The following PRSS36 variants were observed in gnomAD, a reference collection of about 807,000 sequenced individuals.
PRSS36 encodes serine protease 36.
Under a neutral mutation model 94.3 loss-of-function variants are expected in PRSS36, and 90 were observed. The observed-to-expected ratio is 0.95, with a 90% CI of 0.80 to 1.14. The LOEUF (loss-of-function observed/expected upper bound fraction) is 1.14, where lower values mean the gene tolerates loss of function less well. Ranked by LOEUF, PRSS36 falls within the 50% of genes most tolerant of loss-of-function variation. The pLI is 0.00. For missense variants in PRSS36, 1,158 were observed against 1,135.0 expected (o/e 1.02, Z -0.29); for synonymous variants, 500 against 489.6 (o/e 1.02, Z -0.28).
At chr16:31,148,835 T>A in intron 4 of PRSS36, 160 bp from the exon 5 acceptor site, 2 of 1,031,830 alleles carry the variant, frequency 1.9e-6, no homozygotes, top group Non-Finnish European at 2.8e-6. Flanking sequence ...TTGGAGCTGG[T>A]GGTGGGGGGG....
chr16:31,143,936 CT>C, intron 6 of PRSS36, 99 bp from the exon 7 acceptor site: 5 of 1,457,590 alleles, frequency 3.4e-6, no homozygotes, highest in South Asian at 1.2e-5. Flanking sequence ...CTTCTCCCTT[CT>C]CCTAGAAACC....
chr16:31,141,492 C>T lies in PRSS36; in HGVS notation c.1878G>A (p.Leu626=). The change falls in exon 12 of 15, where the codon CTG becomes CTA. Residue 626 remains leucine (L), a synonymous_variant. Transcript: ENST00000268281. ...TGILLAPGWV[L]AATHCVLRPG... ...ACCTGAGGACACAGTGAGTGGCTGC[C>T]AGGACCCAGCCTGGGGCCAGGAGGA... 1.9e-6 allele frequency: 3 copies of T among 1,612,544 alleles called. No individual in the cohort carries two copies. Among genetic ancestry groups the T allele is most frequent in the Non-Finnish European group, 2.5e-6 (3 of 1,179,746 alleles).
In PRSS36 at chr16:31,142,962, G is replaced by A. The variant is rs1329996295; in HGVS notation, c.1132C>T (p.Leu378Phe). ...PNSSDSPPRD[L>F]DAWRVLLPSR... ...GGCAGCAGCACGCGCCAGGCGTCGA[G>A]GTCGCGGGGTGGGCTGTCGGAGCTG... is the stretch of plus-strand genomic sequence containing the variant. The change falls in exon 9 of 15, where the codon CTC (leucine) becomes TTC (phenylalanine). Residue 378 changes from leucine to phenylalanine, a missense_variant. Leu to Phe is a conservative substitution (Grantham distance 22). Transcript: ENST00000268281. The A allele has an allele frequency of 7.0e-7, 1 of 1,429,898 alleles. No homozygotes were observed. Among genetic ancestry groups the A allele is most frequent in the Admixed American group, 3.0e-5 (1 of 33,486 alleles). 88.6% of individuals were successfully genotyped at this position (1,429,898 alleles called of 1,614,324 possible).
chr16:31,148,213 G>A (rs2057825721), intron 5 of PRSS36, among the ~76,000 whole-genome samples, 182 bp downstream of exon 5: 1 of 152,148 alleles, frequency 6.6e-6, no homozygotes, highest in Non-Finnish European at 1.5e-5. Context: ...GAGAATCCTT[G>A]CAGGGAGAAG....
chr16:31,147,902 T>C (rs1393914257), intron 5 of PRSS36, among the ~76,000 whole-genome samples: 1 of 152,124 alleles, frequency 6.6e-6, no homozygotes, highest in Non-Finnish European at 1.5e-5. Flanking sequence ...TATGCTGTAG[T>C]GCTTTACTAT....
At chr16:31,143,051 C>T in intron 8 of PRSS36, 58 bp from the exon 9 acceptor site, 1 of 1,378,672 alleles carries the variant, frequency 7.3e-7, no homozygotes, top group Non-Finnish European at 9.3e-7. Flanking sequence ...CTGGAAACCT[C>T]ACACCCCGGC....
intron 5 of PRSS36, 151 bp downstream of exon 5, chr16:31,148,244 G>T (rs1596861708): frequency 1.2e-6 from 1 of 810,388 alleles, no homozygotes; most frequent in East Asian, 3.0e-5. Context: ...GATCGGTGTG[G>T]GATTCATCCA....
Position 31,139,394 on chromosome 16 carries a change from A to G in PRSS36, c.2312T>C (p.Leu771Pro), listed in dbSNP as rs771703637. 1.2e-6 allele frequency: 2 copies of G among 1,614,048 alleles called. No individual in the cohort carries two copies. Among genetic ancestry groups the G allele is most frequent in the Non-Finnish European group, 8.5e-7 (1 of 1,179,960 alleles). The change falls in exon 15 of 15, where the codon CTG becomes CCG. Residue 771 changes from leucine to proline, a missense_variant. Leu to Pro is a moderately conservative substitution (Grantham distance 98). Transcript: ENST00000268281. ...CCAGGACCCTTCCGTCATCTGGCAC[A>G]GGAGGGGCGGTGCTGAGGTCATCTG... ...RCEMTSAPPLLCQMTEGSWIL... is the reference protein window; with the variant it reads ...RCEMTSAPPLPCQMTEGSWIL...
At position 31,141,824 on chromosome 16, in the gene PRSS36, A is replaced by C; in HGVS notation, c.1658T>G (p.Val553Gly). Residue 553 changes from valine (V) to glycine (G), a missense_variant, in exon 11 of 15, where the codon GTG becomes GGG. Transcript: ENST00000268281. ...GTCCTCCAGGTAGGCTCCCCGAGTC[A>C]CATGGCTGATCCATGGGCCATGAGT... is the stretch of plus-strand genomic sequence containing the variant. ...LQTHGPWISH[V>G]TRGAYLEDQL... 6.2e-7 allele frequency: 1 copy of C among 1,614,198 alleles called. No homozygotes were observed. Among genetic ancestry groups the C allele is most frequent in the South Asian group, 1.1e-5 (1 of 91,088 alleles).
rs566674467 is a variant in PRSS36, at chr16:31,149,096, G to A, written c.249C>T (p.Leu83=). The part of the protein sequence containing the change: ...GGSLIAPSWV[L]SAAHCFMTNG... ...ACGTCATGAAACAGTGAGCAGCGGA[G>A]AGGACCCAGGAGGGGGCGATGAGGG... The change falls in exon 4 of 15, where the codon CTC becomes CTT. Residue 83 remains leucine (L), a synonymous_variant. Coordinates refer to ENST00000268281, the MANE Select transcript of PRSS36 (RefSeq NM_173502.5). 3.8e-6 allele frequency: 6 copies of A among 1,592,502 alleles called. No individual in the cohort carries two copies. In the African/African-American group the frequency reaches 6.7e-5, roughly 18 times the overall value.
chr16:31,143,480 TGA>T lies in PRSS36; in HGVS notation c.971-11_971-10del, dbSNP rs1446030527. 4 of 1,605,470 alleles carry T rather than the reference TGA, an allele frequency of 2.5e-6. No homozygotes were observed. Among genetic ancestry groups the T allele is most frequent in the Non-Finnish European group, 3.4e-6 (4 of 1,175,688 alleles). ...CGGGGCCTTCCCGCACTCTGAGGGG[TGA>T]GAGGCCTGGGTCAGTGGGCCTCCTG... On this transcript the variant is annotated splice_polypyrimidine_tract_variant and intron_variant, in intron 7 of 14. Transcript: ENST00000268281.
intron 6 of PRSS36, among the ~76,000 whole-genome samples, chr16:31,144,257 C>T (rs2057763229): frequency 6.6e-6 from 1 of 152,160 alleles, no homozygotes; most frequent in Non-Finnish European, 1.5e-5. Flanking sequence ...CCACTGCAAC[C>T]TCTGCCTCCC....
chr16:31,146,016 G>T, intron 5 of PRSS36, 61 bp from the exon 6 acceptor site: 2 of 1,508,754 alleles, frequency 1.3e-6, no homozygotes, highest in Non-Finnish European at 1.8e-6. Context: ...AGTTCCCAGG[G>T]TTCAGGTTTG....
At chr16:31,149,948 C>G (rs2057873363) in intron 1 of PRSS36, 51 bp downstream of exon 1, 1 of 1,602,990 alleles carries the variant, frequency 6.2e-7, no homozygotes, top group Non-Finnish European at 8.5e-7. Flanking sequence ...TCCAGCCCCC[C>G]AGATGCCAGG....
chr16:31,144,525 C>A (rs2057766502), intron 6 of PRSS36, among the ~76,000 whole-genome samples: 1 of 152,138 alleles, frequency 6.6e-6, no homozygotes. Flanking sequence ...TCAGGCTGGT[C>A]TCAGACTCCT....
rs560900074 is a variant in PRSS36, at chr16:31,140,319, G to C, written c.2264C>G (p.Ala755Gly). 7.7e-5 allele frequency: 125 copies of C among 1,613,580 alleles called. 3 individuals carry two copies. The South Asian group carries it at 1.3e-3, about 17-fold the overall frequency. Residue 755 changes from alanine to glycine, a missense_variant, in exon 14 of 15, where the codon GCA (alanine) becomes GGA (glycine). Coordinates refer to ENST00000268281, the MANE Select transcript of PRSS36 (RefSeq NM_173502.5). ...CTCACACCTGTTCTCCTGCCCCTCTGCATACAGGACACAGAGGGTTCCAGG... is the reference window on the plus strand; with the variant it reads ...CTCACACCTGTTCTCCTGCCCCTCTCCATACAGGACACAGAGGGTTCCAGG... ...LPPGTLCVLYAEGQENRCEMT... is the reference protein window; with the variant it reads ...LPPGTLCVLYGEGQENRCEMT...
chr16:31,149,666 C>A (rs775173745), intron 2 of PRSS36, 30 bp downstream of exon 2: 12 of 1,614,084 alleles, frequency 7.4e-6, no homozygotes, highest in Non-Finnish European at 9.3e-6. Context: ...TGCCTCTGCA[C>A]GTGACTTTCC....
chr16:31,149,643 C>G lies in PRSS36; in HGVS notation c.73+53G>C, dbSNP rs896418628. 11 of 1,612,654 alleles carry G rather than the reference C, an allele frequency of 6.8e-6. No homozygotes were observed. The Admixed American group carries it at 1.5e-4, about 22-fold the overall frequency. ...ACCCCTGCCAGCACCCATGCCAGTC[C>G]TCTGGTCTTTTCTGCCTCTGCACGT... On this transcript the variant is annotated intron_variant, in intron 2 of 14. Coordinates refer to ENST00000268281, the MANE Select transcript of PRSS36 (RefSeq NM_173502.5).
At chr16:31,149,780 A>C in intron 1 of PRSS36, 49 bp from the exon 2 acceptor site, 1 of 1,613,106 alleles carries the variant, frequency 6.2e-7, no homozygotes, top group Non-Finnish European at 8.5e-7. Context: ...CGCACTCAGT[A>C]TGTGCCCTCC....
Sources: allele counts gnomAD v4.1 joint callset (sites outside exome capture counted in the v4.1 genomes callset), GRCh38; gene constraint gnomAD v4.1.1; transcripts MANE v1.5; gene names NCBI Gene and HGNC (gene_info 2026-07-23, HGNC 2026-07-21).